The following CLNK variants were observed in gnomAD, a reference collection of about 807,000 sequenced individuals.
CLNK encodes cytokine-dependent hematopoietic cell linker.
CLNK carries 74 observed loss-of-function variants against 68.6 expected under a neutral mutation model. That is an observed-to-expected ratio of 1.08 (90% CI 0.89 to 1.31). CLNK has a LOEUF of 1.31. Among genes scored for constraint, CLNK ranks in the 50% most tolerant of loss-of-function variants. The pLI, the probability that CLNK is intolerant of heterozygous loss-of-function variation, is 0.00. For synonymous variants in CLNK, 198 were observed against 172.2 expected, an observed-to-expected ratio of 1.15 and a Z score of -1.17; for missense variants, 553 against 515.3, an observed-to-expected ratio of 1.07 and a Z score of -0.71.
chr4:10,565,897 G>A (rs1231889354), intron 6 of CLNK, 112 bp downstream of exon 6: 15 of 1,146,182 alleles, frequency 1.3e-5, no homozygotes, highest in Non-Finnish European at 1.7e-5. Flanking sequence ...TAAGTCATGG[G>A]GGCAGACGTT....
intron 7 of CLNK, among the ~76,000 whole-genome samples, chr4:10,560,311 T>C (rs1167286762): frequency 6.6e-6 from 1 of 152,162 alleles, no homozygotes; most frequent in Non-Finnish European, 1.5e-5. Flanking sequence ...GCTCAATAAA[T>C]AGAAGGATGG....
Position 10,520,842 on chromosome 4 carries a change from A to C in CLNK, c.732-11T>G. On this transcript the variant is annotated splice_polypyrimidine_tract_variant and intron_variant, in intron 14 of 18. Coordinates refer to ENST00000226951, the MANE Select transcript of CLNK (RefSeq NM_052964.4). ...GTCGTGAATGAAGAACTATAAGAAA[A>C]TATGTTAAAATTCAAAGAATGTTAG... 2 of 1,590,148 alleles carry C rather than the reference A, an allele frequency of 1.3e-6. No individual in the cohort carries two copies. The highest frequency in any genetic ancestry group is 1.7e-6 in the Non-Finnish European group (2 of 1,164,340).
intron 8 of CLNK, among the ~76,000 whole-genome samples, chr4:10,557,853 A>G (rs1719736245): frequency 6.6e-6 from 1 of 152,196 alleles, no homozygotes; most frequent in Non-Finnish European, 1.5e-5. Context: ...GCATTGTAAG[A>G]GGAGATAGGG....
At chr4:10,687,749 C>T (rs746793203), upstream of CLNK, among the ~76,000 whole-genome samples, 1 of 152,070 alleles carries the variant, frequency 6.6e-6, no homozygotes, top group Non-Finnish European at 1.5e-5. Context: ...TTCCAACCTG[C>T]ATGTTCTTGC....
In CLNK at chr4:10,564,733, C is replaced by T. The variant is rs1478859297; in HGVS notation, c.337G>A (p.Asp113Asn). The T allele has an allele frequency of 1.2e-6, 2 of 1,613,788 alleles. No homozygotes were observed. Among genetic ancestry groups the T allele is most frequent in the Non-Finnish European group, 8.5e-7 (1 of 1,179,748 alleles). The change falls in exon 7 of 19, where the codon GAC becomes AAC. Residue 113 changes from aspartate (D) to asparagine (N), a missense_variant. Transcript: ENST00000226951. ...KVAMDTPLPLDTRTSISIGQP... is the reference protein window; with the variant it reads ...KVAMDTPLPLNTRTSISIGQP... ...CCAATGGAGATAGAGGTCCTGGTGT[C>T]TAACGGAAGGGGAGTGTCCATTGCA...
At chr4:10,611,657 C>CA (rs1243228409) in intron 2 of CLNK, among the ~76,000 whole-genome samples, 1 of 152,006 alleles carries the variant, frequency 6.6e-6, no homozygotes, top group African/African-American at 2.4e-5. Flanking sequence ...AGCAGGTCCA[C>CA]AAAAAAGAAG....
chr4:10,514,320 C>T (rs1013307293), intron 15 of CLNK, among the ~76,000 whole-genome samples: 21 of 151,978 alleles, frequency 1.4e-4, no homozygotes, highest in African/African-American at 4.8e-4. Flanking sequence ...AATAAACATA[C>T]GTGTGCCTGT....
chr4:10,520,836 A>G lies in CLNK; in HGVS notation c.732-5T>C, dbSNP rs752917329. On this transcript the variant is annotated splice_region_variant and splice_polypyrimidine_tract_variant and intron_variant, in intron 14 of 18. Coordinates refer to ENST00000226951, the MANE Select transcript of CLNK (RefSeq NM_052964.4). The stretch of plus-strand genomic sequence containing the variant: ...TTGCTTGTCGTGAATGAAGAACTAT[A>G]AGAAAATATGTTAAAATTCAAAGAA... 3.1e-6 allele frequency: 5 copies of G among 1,598,072 alleles called. No individual in the cohort carries two copies. The South Asian group carries it at 5.6e-5, about 18-fold the overall frequency.
chr4:10,584,634 T>A (rs1720907051), intron 4 of CLNK, among the ~76,000 whole-genome samples: 1 of 152,162 alleles, frequency 6.6e-6, no homozygotes, highest in Non-Finnish European at 1.5e-5. Context: ...GGTAGACTTA[T>A]ACCCATTGCA....
chr4:10,545,510 C>G (rs979543864), intron 8 of CLNK, among the ~76,000 whole-genome samples: 2 of 152,108 alleles, frequency 1.3e-5, no homozygotes, highest in Non-Finnish European at 2.9e-5. Context: ...GTCCACCCAG[C>G]TCTCCCAGGT....
intron 7 of CLNK, among the ~76,000 whole-genome samples, chr4:10,561,751 T>C (rs1179863024): frequency 6.6e-6 from 1 of 152,218 alleles, no homozygotes; most frequent in African/African-American, 2.4e-5. Context: ...ATCTTGATGA[T>C]AGCAGCAAAT....
intron 2 of CLNK, among the ~76,000 whole-genome samples, chr4:10,660,466 G>A (rs2108888395): frequency 6.6e-6 from 1 of 152,234 alleles, no homozygotes. Flanking sequence ...TTTAGTGGTA[G>A]TTTCTCTTTA....
intron 8 of CLNK, among the ~76,000 whole-genome samples, chr4:10,558,016 C>A (rs939096184): frequency 1.3e-5 from 2 of 152,084 alleles, no homozygotes; most frequent in Admixed American, 6.5e-5. Flanking sequence ...AGTTGTTTTG[C>A]CTAAAGCCTT....
At chr4:10,634,680 T>C (rs567928344) in intron 2 of CLNK, among the ~76,000 whole-genome samples, 43 of 152,338 alleles carry the variant, frequency 2.8e-4, no homozygotes, top group South Asian at 6.2e-4. Flanking sequence ...CTTCGGTGTT[T>C]TGAAATACCT....
In CLNK at chr4:10,490,519, T is replaced by C; in HGVS notation, c.1235A>G (p.Gln412Arg). The change falls in exon 19 of 19, where the codon CAG (glutamine) becomes CGG (arginine). Residue 412 changes from glutamine to arginine, a missense_variant. Physicochemically the swap from Gln to Arg is conservative, Grantham distance 43. Coordinates refer to ENST00000226951, the MANE Select transcript of CLNK (RefSeq NM_052964.4). ...GKDKTGVHRK[Q>R]CHLTQPLPLT... ...AGGGAGTGGCTGAGTGAGGTGACACTGTTTCCTGTGGACCCCAGTTTTATC... is the reference window on the plus strand; with the variant it reads ...AGGGAGTGGCTGAGTGAGGTGACACCGTTTCCTGTGGACCCCAGTTTTATC... 6.2e-7 allele frequency: 1 copy of C among 1,612,496 alleles called. No homozygotes were observed. The highest frequency in any genetic ancestry group is 8.5e-7 in the Non-Finnish European group (1 of 1,179,340).
chr4:10,685,568 G>A (rs113568090), upstream of CLNK, among the ~76,000 whole-genome samples: 2,107 of 152,132 alleles, frequency 0.014, 36 homozygotes, highest in African/African-American at 0.046. Context: ...TGACATTCTA[G>A]TTTTATATAA....
In CLNK at chr4:10,612,887, A is replaced by G. The variant is rs1323539337; in HGVS notation, c.12-14838T>C. Among the ~76,000 whole-genome samples the G allele has an allele frequency of 2.6e-5, 4 of 152,256 alleles. No individual in the cohort carries two copies. The East Asian group carries it at 7.7e-4, about 29-fold the overall frequency. ...TTAGGTTTTGCTACATATTGAGAAT[A>G]TTGTAAGAATTAAATGAGATAATGC... On this transcript the variant is annotated intron_variant, in intron 2 of 18. Transcript: ENST00000226951.
At chr4:10,711,935 C>T in the CLNK span, among the ~76,000 whole-genome samples, 2 of 152,066 alleles carry the variant, frequency 1.3e-5, no homozygotes, top group Non-Finnish European at 2.9e-5. Context: ...TTAGCATATT[C>T]AACAGAACCT....
intron 3 of CLNK, among the ~76,000 whole-genome samples, chr4:10,592,328 C>T (rs908484297): frequency 6.6e-6 from 1 of 152,078 alleles, no homozygotes; most frequent in African/African-American, 2.4e-5. Context: ...ATATTTGACA[C>T]TCTGATGGGT....
Sources: gnomAD v4.1 joint callset for allele counts (sites outside exome capture counted in the v4.1 genomes callset) on GRCh38, gnomAD v4.1.1 for gene constraint, MANE v1.5 for transcripts, NCBI Gene and HGNC (gene_info 2026-07-23, HGNC 2026-07-21) for gene names.